Variants in ARB2A observed in about 807,000 individuals in gnomAD.
The protein encoded by ARB2A is cotranscriptional regulator ARB2A.
the ARB2A span, among the ~76,000 whole-genome samples, chr5:93,757,888 A>G: frequency 6.6e-6 from 1 of 152,204 alleles, no homozygotes; most frequent in Admixed American, 6.5e-5. Context: ...CAATGGTACC[A>G]CACATTTCAA....
the ARB2A span, among the ~76,000 whole-genome samples, chr5:93,879,331 T>C: frequency 6.6e-6 from 1 of 152,034 alleles, no homozygotes; most frequent in East Asian, 1.9e-4. Flanking sequence ...TTAAGAGAAA[T>C]GATGTTTACT....
the ARB2A span, among the ~76,000 whole-genome samples, chr5:93,916,944 G>A: frequency 6.6e-6 from 1 of 152,102 alleles, no homozygotes; most frequent in African/African-American, 2.4e-5. Context: ...GCATGGGGAT[G>A]TTATCATAAA....
At chr5:93,908,802 T>C in the ARB2A span, among the ~76,000 whole-genome samples, 1 of 150,978 alleles carries the variant, frequency 6.6e-6, no homozygotes, top group Non-Finnish European at 1.5e-5. Flanking sequence ...TTCTAATGAA[T>C]GTGAGGTGTT....
chr5:93,700,328 A>G, the ARB2A span, among the ~76,000 whole-genome samples: 2 of 152,276 alleles, frequency 1.3e-5, no homozygotes, highest in African/African-American at 4.8e-5. Context: ...AGGCAAATCC[A>G]TCAAAACAGA....
the ARB2A span, among the ~76,000 whole-genome samples, chr5:93,822,778 A>T: frequency 6.6e-6 from 1 of 152,086 alleles, no homozygotes; most frequent in Non-Finnish European, 1.5e-5. Flanking sequence ...CAAAATAAAT[A>T]AATTAATTCA....
chr5:93,967,925 T>C, the ARB2A span, among the ~76,000 whole-genome samples: 24 of 152,054 alleles, frequency 1.6e-4, no homozygotes, highest in South Asian at 5.0e-3. Context: ...TACCAGGGGA[T>C]TACAGCTAAA....
At chr5:94,041,501 A>G in the ARB2A span, among the ~76,000 whole-genome samples, 3 of 152,078 alleles carry the variant, frequency 2.0e-5, no homozygotes, top group Non-Finnish European at 2.9e-5. Flanking sequence ...TTATATATGA[A>G]AGAGCTTAAA....
chr5:93,846,510 T>A, the ARB2A span, among the ~76,000 whole-genome samples: 7 of 151,374 alleles, frequency 4.6e-5, no homozygotes, highest in Non-Finnish European at 1.0e-4. Flanking sequence ...TCTAAAAAAA[T>A]AATAATAATA....
At chr5:93,868,382 C>A in the ARB2A span, among the ~76,000 whole-genome samples, 1 of 152,200 alleles carries the variant, frequency 6.6e-6, no homozygotes, top group East Asian at 1.9e-4. Context: ...ACTCAGTAAA[C>A]GTTACATTGC....
At chr5:93,747,674 T>C in the ARB2A span, among the ~76,000 whole-genome samples, 2 of 152,212 alleles carry the variant, frequency 1.3e-5, no homozygotes, top group Non-Finnish European at 2.9e-5. Context: ...AAAATACTCA[T>C]GCCCAAATCA....
the ARB2A span, among the ~76,000 whole-genome samples, chr5:93,812,345 T>C: frequency 6.6e-6 from 1 of 152,136 alleles, no homozygotes; most frequent in Non-Finnish European, 1.5e-5. Flanking sequence ...TATAGGCCAC[T>C]GATCTCACAT....
At chr5:93,924,566 C>A in the ARB2A span, among the ~76,000 whole-genome samples, 1 of 152,114 alleles carries the variant, frequency 6.6e-6, no homozygotes, top group South Asian at 2.1e-4. Context: ...ATAATTGTCT[C>A]ATTTGCCAAT....
chr5:94,038,823 AC>A, the ARB2A span, among the ~76,000 whole-genome samples: 1 of 151,772 alleles, frequency 6.6e-6, no homozygotes, highest in African/African-American at 2.4e-5. Context: ...AAAAAAAAAA[AC>A]AGAAGGGGTT....
the ARB2A span, among the ~76,000 whole-genome samples, chr5:93,968,467 G>C: frequency 6.6e-6 from 1 of 152,112 alleles, no homozygotes; most frequent in Non-Finnish European, 1.5e-5. Context: ...CATGGCCAAG[G>C]AAAGACTCAA....
the ARB2A span, among the ~76,000 whole-genome samples, chr5:93,899,265 C>A: frequency 6.6e-6 from 1 of 152,050 alleles, no homozygotes; most frequent in African/African-American, 2.4e-5. Flanking sequence ...AGCTCATCTA[C>A]CTACAAACTC....
the ARB2A span, among the ~76,000 whole-genome samples, chr5:93,946,069 C>T: frequency 1.3e-5 from 2 of 152,086 alleles, no homozygotes; most frequent in Non-Finnish European, 2.9e-5. Context: ...AACAAGTAGA[C>T]TGAAGGCATT....
chr5:94,016,860 A>G, the ARB2A span, among the ~76,000 whole-genome samples: 6 of 152,196 alleles, frequency 3.9e-5, no homozygotes, highest in Non-Finnish European at 7.4e-5. Flanking sequence ...GAAGATGGCA[A>G]AAGGACTTGT....
At chr5:93,978,640 G>A in the ARB2A span, among the ~76,000 whole-genome samples, 1 of 151,998 alleles carries the variant, frequency 6.6e-6, no homozygotes, top group Non-Finnish European at 1.5e-5. Flanking sequence ...AGAAAGGAGG[G>A]AAGGTAAGGG....
chr5:94,062,732 A>G, the ARB2A span, among the ~76,000 whole-genome samples: 1 of 152,172 alleles, frequency 6.6e-6, no homozygotes, highest in African/African-American at 2.4e-5. Flanking sequence ...CCCAGCCCCT[A>G]TAGAGCTGCA....
Sources: gnomAD v4.1 joint callset for allele counts (sites outside exome capture counted in the v4.1 genomes callset) on GRCh38, gnomAD v4.1.1 for gene constraint, MANE v1.5 for transcripts, NCBI Gene and HGNC (gene_info 2026-07-23, HGNC 2026-07-21) for gene names.